FBXO28: variants seen among roughly 807,000 people sequenced by gnomAD.
FBXO28 encodes the protein F-box only protein 28.
FBXO28 carries 8 observed loss-of-function variants against 38.1 expected under a neutral mutation model. The ratio of observed to expected loss-of-function variants is 0.21; its 90% CI spans 0.12 to 0.38. FBXO28 has a LOEUF of 0.38. Ranked by LOEUF, FBXO28 falls within the 10% of genes least tolerant of loss-of-function variation. FBXO28 has a pLI of 1.00. For synonymous variants in FBXO28, 168 were observed against 173.8 expected, an observed-to-expected ratio of 0.97 and a Z score of 0.26; for missense variants, 345 against 460.6, an observed-to-expected ratio of 0.75 and a Z score of 2.30.
At chr1:224,145,937 A>C (rs1657493419) in intron 3 of FBXO28, among the ~76,000 whole-genome samples, 1 of 152,050 alleles carries the variant, frequency 6.6e-6, no homozygotes, top group South Asian at 2.1e-4. Context: ...GTGGTGGTGC[A>C]AGCGTGTAAT....
chr1:224,157,675 C>T lies in FBXO28; in HGVS notation c.1036C>T (p.Arg346Trp), dbSNP rs764343477. 6.2e-7 allele frequency: 1 copy of T among 1,611,876 alleles called. No homozygotes were observed. The highest frequency in any genetic ancestry group is 8.5e-7 in the Non-Finnish European group (1 of 1,179,460). ...SGSGQNEESP[R>W]KRKKATEAID... ...GTCCGGGCAGAATGAGGAGTCTCCT[C>T]GGAAACGAAAAAAGGCCACGGAAGC... The change falls in exon 5 of 5, where the codon CGG (arginine) becomes TGG (tryptophan). Residue 346 changes from arginine (R) to tryptophan (W), a missense_variant. Physicochemically the swap from Arg to Trp is moderately radical, Grantham distance 101 (BLOSUM62 -3). Around this residue, in one of 6 missense-constraint regions of FBXO28, gnomAD observed 151 missense variants for 188.3 expected, o/e 0.80. Coordinates refer to ENST00000366862, the MANE Select transcript of FBXO28 (RefSeq NM_015176.4).
Position 224,159,733 on chromosome 1 carries a change from T to G in FBXO28, c.*1987T>G, listed in dbSNP as rs1385549709. 6.6e-6 allele frequency: 1 copy of G among 152,182 alleles called. No individual in the cohort carries two copies. Among genetic ancestry groups the G allele is most frequent in the African/African-American group, 2.4e-5 (1 of 41,444 alleles). The allele number at this position is 152,182 out of a possible 1,614,324, so 9.4% of individuals were successfully genotyped here. A position where few individuals can be genotyped will look rare whatever the true frequency, so the allele number is the denominator to read the frequency against. ...ACTTTTTTTTTTACGTATCAAAGCATGTGTTTACAGATTTACAGAGTGTGA... is the reference window on the plus strand; with the variant it reads ...ACTTTTTTTTTTACGTATCAAAGCAGGTGTTTACAGATTTACAGAGTGTGA... On this transcript the variant is annotated 3_prime_UTR_variant, in exon 5 of 5. Coordinates refer to ENST00000366862, the MANE Select transcript of FBXO28 (RefSeq NM_015176.4).
chr1:224,127,164 TTGTGTGTGTGTGTGTGTGTATG>T (rs1483631956), intron 1 of FBXO28, among the ~76,000 whole-genome samples: 8 of 88,482 alleles, frequency 9.0e-5, no homozygotes, highest in East Asian at 3.4e-4. Context: ...TGTAAAGTAT[TTGTGTGTGTGTGTGTGTGTATG>T]TGTGTGTGTG....
chr1:224,131,452 A>G (rs1335452567), intron 2 of FBXO28, among the ~76,000 whole-genome samples: 3 of 152,232 alleles, frequency 2.0e-5, no homozygotes, highest in African/African-American at 4.8e-5. Flanking sequence ...TCAAAACAGT[A>G]TGGCACTGGC....
chr1:224,161,751 T>C lies in FBXO28; in HGVS notation c.*4005T>C, dbSNP rs1293150675. 6.6e-6 allele frequency: 1 copy of C among 152,194 alleles called. No individual in the cohort carries two copies. Among genetic ancestry groups the C allele is most frequent in the Admixed American group, 6.5e-5 (1 of 15,272 alleles). 9.4% of individuals were successfully genotyped at this position (152,194 alleles called of 1,614,324 possible). A position where few individuals can be genotyped will look rare whatever the true frequency, so the allele number is the denominator to read the frequency against. The stretch of plus-strand genomic sequence containing the variant: ...AAATTTCTGAAGTTTAAAAATTAGA[T>C]CCAGATTTCTTCTGTTGTGTCTGAA... On this transcript the variant is annotated 3_prime_UTR_variant, in exon 5 of 5. Transcript: ENST00000366862.
At chr1:224,142,429 T>A (rs1657380208) in intron 3 of FBXO28, among the ~76,000 whole-genome samples, 1 of 151,956 alleles carries the variant, frequency 6.6e-6, no homozygotes, top group Admixed American at 6.6e-5. Context: ...GGTAGGCGGA[T>A]CATTTGAGCT....
chr1:224,149,722 A>G (rs1290923199), intron 3 of FBXO28, among the ~76,000 whole-genome samples: 1 of 152,246 alleles, frequency 6.6e-6, no homozygotes, highest in Non-Finnish European at 1.5e-5. Flanking sequence ...GAAATTAACA[A>G]AAAGATGTAC....
At chr1:224,118,598 A>G (rs542705543) in intron 1 of FBXO28, among the ~76,000 whole-genome samples, 2 of 152,352 alleles carry the variant, frequency 1.3e-5, no homozygotes, top group South Asian at 4.1e-4. Flanking sequence ...AATTAAATCT[A>G]TTACCTATTT....
chr1:224,139,376 G>A (rs1417856552), intron 3 of FBXO28, among the ~76,000 whole-genome samples: 1 of 151,576 alleles, frequency 6.6e-6, no homozygotes, highest in Admixed American at 6.6e-5. Flanking sequence ...CTAGTACAAG[G>A]AGCTCCCATA....
intron 3 of FBXO28, among the ~76,000 whole-genome samples, chr1:224,145,281 A>C (rs551472422): frequency 8.2e-6 from 1 of 122,470 alleles, no homozygotes; most frequent in East Asian, 2.4e-4. Context: ...GCAACAGAGC[A>C]AGACTACATC....
intron 3 of FBXO28, among the ~76,000 whole-genome samples, chr1:224,135,303 A>G (rs950298152): frequency 5.9e-5 from 9 of 152,186 alleles, no homozygotes; most frequent in Non-Finnish European, 1.3e-4. Context: ...ATATAGCATC[A>G]TAGTTTTTAT....
Position 224,114,373 on chromosome 1 carries a change from G to A in FBXO28, c.244G>A (p.Asp82Asn). ...GAACATCCTCAGCTTTATGTCCTAC[G>A]ACGAAATTAGCCAGCTCCGCCTGGT... is the stretch of plus-strand genomic sequence containing the variant. Reference protein sequence around the residue: ...IENILSFMSYDEISQLRLVCK... With the variant: ...IENILSFMSYNEISQLRLVCK... The change falls in exon 1 of 5, where the codon GAC (aspartate) becomes AAC (asparagine). Residue 82 changes from aspartate (D) to asparagine (N), a missense_variant. Physicochemically the swap from Asp to Asn is conservative, Grantham distance 23. Transcript: ENST00000366862. 1.3e-6 allele frequency: 2 copies of A among 1,593,890 alleles called. No individual in the cohort carries two copies. The highest frequency in any genetic ancestry group is 1.1e-5 in the South Asian group (1 of 88,462).
intron 1 of FBXO28, among the ~76,000 whole-genome samples, chr1:224,124,434 A>G (rs1006431901): frequency 1.3e-5 from 2 of 152,160 alleles, no homozygotes; most frequent in Non-Finnish European, 2.9e-5. Context: ...GGCTCCATAT[A>G]TTAGGCTTCA....
At chr1:224,122,017 A>C (rs1161110757) in intron 1 of FBXO28, among the ~76,000 whole-genome samples, 1 of 151,618 alleles carries the variant, frequency 6.6e-6, no homozygotes, top group Non-Finnish European at 1.5e-5. Flanking sequence ...CTCGTGATCC[A>C]CCTGCCTTGG....
intron 3 of FBXO28, among the ~76,000 whole-genome samples, chr1:224,139,200 G>T (rs949508674): frequency 1.6e-4 from 24 of 151,628 alleles, no homozygotes; most frequent in African/African-American, 5.6e-4. Context: ...AGGCCATGAA[G>T]CTATATTTCC....
intron 1 of FBXO28, 122 bp downstream of exon 1, chr1:224,114,518 G>A: frequency 1.2e-6 from 1 of 844,206 alleles, no homozygotes; most frequent in Non-Finnish European, 1.8e-6. Context: ...AGATCTGGGA[G>A]GGAGCCGCTC....
intron 3 of FBXO28, among the ~76,000 whole-genome samples, chr1:224,149,460 G>T (rs974655778): frequency 6.6e-6 from 1 of 152,030 alleles, no homozygotes; most frequent in African/African-American, 2.4e-5. Context: ...CAAAGTGCTG[G>T]CACCGTAGGT....
chr1:224,141,891 A>T (rs913276230), intron 3 of FBXO28, among the ~76,000 whole-genome samples: 68 of 145,500 alleles, frequency 4.7e-4, no homozygotes, highest in African/African-American at 1.7e-3. Flanking sequence ...GGCTACATTA[A>T]TTTTTTTTTT....
intron 1 of FBXO28, among the ~76,000 whole-genome samples, chr1:224,116,559 C>A (rs567899626): frequency 6.6e-6 from 1 of 152,210 alleles, no homozygotes; most frequent in South Asian, 2.1e-4. Context: ...ATATTAAGAA[C>A]AGAATTAGTT....
Sources: gnomAD v4.1 joint callset for allele counts (sites outside exome capture counted in the v4.1 genomes callset) on GRCh38, gnomAD v4.1.1 for gene constraint, gnomAD v4.1.1 regional missense constraint, MANE v1.5 for transcripts, NCBI Gene and HGNC (gene_info 2026-07-23, HGNC 2026-07-21) for gene names.